The following MYLK3 variants were observed in gnomAD, a reference collection of about 807,000 sequenced individuals.
MYLK3 encodes MLC kinase.
Under a neutral mutation model 76.3 loss-of-function variants are expected in MYLK3, and 55 were observed. That is an observed-to-expected ratio of 0.72 (90% CI 0.58 to 0.90). The LOEUF is 0.90. Ranked by LOEUF, MYLK3 falls within the 40% of genes least tolerant of loss-of-function variation. The pLI, the probability that MYLK3 is intolerant of heterozygous loss-of-function variation, is 0.00. For synonymous variants in MYLK3, 416 were observed against 425.4 expected (o/e 0.98, Z 0.27); for missense variants, 973 against 1,053.6 (o/e 0.92, Z 1.06).
At chr16:46,744,646 A>T (rs1966992359) in intron 1 of MYLK3, among the ~76,000 whole-genome samples, 1 of 152,044 alleles carries the variant, frequency 6.6e-6, no homozygotes, top group Non-Finnish European at 1.5e-5. Context: ...CCAGCCTAAA[A>T]TATTTTTAAA....
Position 46,738,018 on chromosome 16 carries a change from G to T in MYLK3, c.694C>A (p.Pro232Thr). Residue 232 changes from proline to threonine, a missense_variant, in exon 3 of 13, where the codon CCA becomes ACA. Physicochemically the swap from Pro to Thr is conservative, Grantham distance 38. Transcript: ENST00000394809. ...AGGTGGCCAGGGAATGCCTGGGCTG[G>T]GCCAGGAACACCATCTCCCTGGCCC... ...SPGQGDGVPGPAQAFPGHLPL... is the reference protein window; with the variant it reads ...SPGQGDGVPGTAQAFPGHLPL... 1 of 1,613,164 alleles carries T rather than the reference G, an allele frequency of 6.2e-7. No homozygotes were observed.
intron 8 of MYLK3, among the ~76,000 whole-genome samples, chr16:46,724,873 A>T (rs1414311999): frequency 6.6e-6 from 1 of 152,178 alleles, no homozygotes; most frequent in Non-Finnish European, 1.5e-5. Context: ...TCTATAGATC[A>T]ATGGGGGAGT....
Position 46,721,114 on chromosome 16 carries a change from C to A in MYLK3, c.1985+9G>T. 1 of 1,613,144 alleles carries A rather than the reference C, an allele frequency of 6.2e-7. No individual in the cohort carries two copies. Among genetic ancestry groups the A allele is most frequent in the Non-Finnish European group, 8.5e-7 (1 of 1,179,094 alleles). ...ATTTTGTTAAGGTATCTAAATAAAA[C>A]CCCCTTACCTTCTGGCCAGCCCAAA... On this transcript the variant is annotated intron_variant, in intron 9 of 12. Coordinates refer to ENST00000394809, the MANE Select transcript of MYLK3 (RefSeq NM_182493.3).
intron 7 of MYLK3, among the ~76,000 whole-genome samples, chr16:46,728,594 G>A (rs1159933938): frequency 1.3e-5 from 2 of 152,090 alleles, no homozygotes; most frequent in African/African-American, 2.4e-5. Flanking sequence ...TGTGGCACAC[G>A]CCTGTGGTCA....
chr16:46,723,613 G>A (rs1381931325), intron 8 of MYLK3, among the ~76,000 whole-genome samples: 1 of 148,084 alleles, frequency 6.8e-6, no homozygotes, highest in Non-Finnish European at 1.5e-5. Context: ...CACCAGCAAT[G>A]TATGAGGGTT....
At chr16:46,733,126 C>A (rs1966856109) in intron 3 of MYLK3, among the ~76,000 whole-genome samples, 8 of 152,206 alleles carry the variant, frequency 5.3e-5, no homozygotes. Context: ...CTTTGGGAGG[C>A]CAAGGTGGGA....
intron 5 of MYLK3, among the ~76,000 whole-genome samples, 162 bp downstream of exon 5, chr16:46,730,431 C>T (rs1201110390): frequency 1.3e-5 from 2 of 152,124 alleles, no homozygotes; most frequent in Non-Finnish European, 2.9e-5. Context: ...CTCTGTGGGC[C>T]ACCATGCACC....
At chr16:46,732,116 C>G (rs1966853593) in intron 4 of MYLK3, 92 bp downstream of exon 4, 2 of 1,095,574 alleles carry the variant, frequency 1.8e-6, no homozygotes, top group Non-Finnish European at 2.5e-6. Context: ...TATGATCTAC[C>G]CCTGGAAGCT....
At chr16:46,749,567 G>A (rs1967091695), upstream of MYLK3, among the ~76,000 whole-genome samples, 9 of 152,258 alleles carry the variant, frequency 5.9e-5, no homozygotes, top group South Asian at 1.9e-3. Context: ...AACCAGCCTG[G>A]GCAACATGGC....
chr16:46,723,037 T>A (rs747543413), intron 8 of MYLK3, among the ~76,000 whole-genome samples: 1 of 152,184 alleles, frequency 6.6e-6, no homozygotes, highest in African/African-American at 2.4e-5. Flanking sequence ...TTATTTTTAG[T>A]ATATTCACAG....
chr16:46,763,138 G>A, exon 1 of MYLK3: 1 of 984,014 alleles, frequency 1.0e-6, no homozygotes. Context: ...CTTATACACA[G>A]ACAAACTTAA....
chr16:46,763,052 A>C (rs1414951472), exon 1 of MYLK3: 2 of 985,334 alleles, frequency 2.0e-6, no homozygotes, highest in Non-Finnish European at 2.4e-6. Flanking sequence ...CTTTCCATCC[A>C]TGGGTCCCAA....
intron 9 of MYLK3, among the ~76,000 whole-genome samples, chr16:46,716,868 G>C (rs900949167): frequency 2.0e-5 from 3 of 152,186 alleles, no homozygotes; most frequent in Non-Finnish European, 4.4e-5. Context: ...CAGGGTTGGA[G>C]AGCTTCCCGA....
intron 8 of MYLK3, chr16:46,726,662 A>G: frequency 2.7e-5 from 1 of 37,014 alleles, no homozygotes; most frequent in Non-Finnish European, 6.8e-5. Flanking sequence ...AAGAAGAAAG[A>G]AAAAGAAAGA....
At position 46,710,621 on chromosome 16, in the gene MYLK3, A is replaced by G. The variant is rs1487245376; in HGVS notation, c.2267+16T>C. The G allele has an allele frequency of 6.2e-7, 1 of 1,613,890 alleles. No homozygotes were observed. Among genetic ancestry groups the G allele is most frequent in the South Asian group, 1.1e-5 (1 of 91,068 alleles). On this transcript the variant is annotated intron_variant, in intron 11 of 12. Transcript: ENST00000394809. ...CCCATCAGAAGGGCCCATGAGTGAC[A>G]AGCAATGAAAGGTACCTCTTCTCTT...
intron 11 of MYLK3, 93 bp from the exon 12 acceptor site, chr16:46,709,764 G>A (rs1966664431): frequency 1.5e-6 from 2 of 1,357,982 alleles, no homozygotes; most frequent in Admixed American, 4.5e-5. Context: ...TGAGTCAGTG[G>A]AACAGATTAA....
intron 1 of MYLK3, among the ~76,000 whole-genome samples, chr16:46,759,286 G>A (rs1967245346): frequency 6.6e-6 from 1 of 152,240 alleles, no homozygotes; most frequent in Non-Finnish European, 1.5e-5. Context: ...GCCTGAAAAT[G>A]CTAGAGAATA....
At chr16:46,717,575 C>T (rs1010637488) in intron 9 of MYLK3, among the ~76,000 whole-genome samples, 3 of 152,070 alleles carry the variant, frequency 2.0e-5, no homozygotes, top group African/African-American at 4.8e-5. Flanking sequence ...CTGTTCTCAG[C>T]CCATAACTCA....
chr16:46,740,503 A>T (rs1011447393), intron 1 of MYLK3, among the ~76,000 whole-genome samples: 2 of 147,360 alleles, frequency 1.4e-5, no homozygotes, highest in Non-Finnish European at 3.0e-5. Flanking sequence ...ATAATCATTT[A>T]AAAATATATA....
Sources: allele counts gnomAD v4.1 joint callset (sites outside exome capture counted in the v4.1 genomes callset), GRCh38; gene constraint gnomAD v4.1.1; transcripts MANE v1.5; gene names NCBI Gene and HGNC (gene_info 2026-07-23, HGNC 2026-07-21).